The following CLASP2 variants were observed in gnomAD, a reference collection of about 807,000 sequenced individuals.
The protein encoded by CLASP2 is cytoplasmic linker associated protein 2.
CLASP2 carries 47 observed loss-of-function variants against 194.4 expected under a neutral mutation model. The observed-to-expected ratio is 0.24, with a 90% CI of 0.19 to 0.31. The LOEUF (loss-of-function observed/expected upper bound fraction) is 0.31. CLASP2 is among the 10% of genes least tolerant of loss of function. The pLI is 1.00. For missense variants in CLASP2, 1,445 were observed against 1,823.6 expected, an observed-to-expected ratio of 0.79 and a Z score of 3.78; for synonymous variants, 619 against 633.5, an observed-to-expected ratio of 0.98 and a Z score of 0.34.
intron 34 of CLASP2, 122 bp from the exon 35 acceptor site, chr3:33,517,296 A>G (rs933693462): frequency 1.3e-6 from 1 of 751,908 alleles, no homozygotes; most frequent in Non-Finnish European, 2.0e-6. Flanking sequence ...AAAAAGACAA[A>G]GAAAAAAGAC....
intron 10 of CLASP2, 39 bp from the exon 11 acceptor site, chr3:33,622,319 A>C: frequency 7.1e-7 from 1 of 1,407,586 alleles, no homozygotes; most frequent in Non-Finnish European, 9.3e-7. Context: ...AAAAAGGTGG[A>C]AGTGCAAAAA....
At chr3:33,592,080 C>A (rs2068922975) in intron 21 of CLASP2, 1 of 624,536 alleles carries the variant, frequency 1.6e-6, no homozygotes, top group African/African-American at 1.8e-5. Context: ...GTTTGTATGG[C>A]AAATGAAGTT....
At chr3:33,666,319 A>G (rs1310974375) in intron 6 of CLASP2, among the ~76,000 whole-genome samples, 1 of 152,158 alleles carries the variant, frequency 6.6e-6, no homozygotes, top group East Asian at 1.9e-4. Context: ...TCATCACCCC[A>G]AAAAATAACC....
At chr3:33,686,553 C>T (rs768556019) in intron 5 of CLASP2, among the ~76,000 whole-genome samples, 3 of 152,182 alleles carry the variant, frequency 2.0e-5, no homozygotes, top group Non-Finnish European at 4.4e-5. Context: ...AAAACCATCC[C>T]TACCCCGCCC....
At chr3:33,652,745 T>C (rs1014592144) in intron 7 of CLASP2, among the ~76,000 whole-genome samples, 30 of 152,194 alleles carry the variant, frequency 2.0e-4, no homozygotes, top group Admixed American at 1.6e-3. Flanking sequence ...TAATTTCATA[T>C]AGACACATAA....
In CLASP2 at chr3:33,662,751, C is replaced by CTTTA. The variant is rs1218932873; in HGVS notation, c.715+693_715+694insTAAA. 2.6e-5 allele frequency among the ~76,000 whole-genome samples: 4 copies of CTTTA among 152,212 alleles called. No homozygotes were observed. In the East Asian group the frequency reaches 7.7e-4, roughly 29 times the overall value. ...ACTACTTTACTAGGTGGAAAAGCAA[C>CTTTA]CTATATTATCTTTGGAAATAGAATA... is the stretch of plus-strand genomic sequence containing the variant. On this transcript the variant is annotated intron_variant, in intron 7 of 38. Transcript: ENST00000682230.
At chr3:33,663,284 T>C (rs925882780) in intron 7 of CLASP2, among the ~76,000 whole-genome samples, 161 bp downstream of exon 7, 73 of 150,924 alleles carry the variant, frequency 4.8e-4, no homozygotes, top group Non-Finnish European at 5.2e-4. Context: ...AATCAGAGGA[T>C]AGATAATTAT....
chr3:33,645,265 C>T (rs1323157137), intron 7 of CLASP2: 2 of 765,272 alleles, frequency 2.6e-6, no homozygotes, highest in East Asian at 4.8e-5. Flanking sequence ...TCCTTATACC[C>T]AGATTCTGCA....
At chr3:33,572,845 T>C (rs1560095600) in intron 25 of CLASP2, among the ~76,000 whole-genome samples, 2 of 151,840 alleles carry the variant, frequency 1.3e-5, no homozygotes, top group African/African-American at 4.8e-5. Flanking sequence ...AATAACATTT[T>C]AAATTTAATT....
chr3:33,532,578 C>T (rs1201241086), intron 34 of CLASP2, among the ~76,000 whole-genome samples: 1 of 152,090 alleles, frequency 6.6e-6, no homozygotes, highest in Non-Finnish European at 1.5e-5. Flanking sequence ...ATTATTGGGA[C>T]AGCTGGCAAA....
chr3:33,671,156 G>C (rs2087108147), intron 6 of CLASP2, among the ~76,000 whole-genome samples: 1 of 152,138 alleles, frequency 6.6e-6, no homozygotes, highest in Non-Finnish European at 1.5e-5. Context: ...CTAAGTGAGA[G>C]GAGGGTGGGA....
chr3:33,635,691 CA>C (rs2080007383), intron 8 of CLASP2, among the ~76,000 whole-genome samples: 1 of 152,094 alleles, frequency 6.6e-6, no homozygotes, highest in Non-Finnish European at 1.5e-5. Context: ...CAAAATTCAA[CA>C]AAATGCAGAG....
chr3:33,620,531 T>G (rs149834377), intron 11 of CLASP2, among the ~76,000 whole-genome samples: 66 of 152,306 alleles, frequency 4.3e-4, no homozygotes, highest in African/African-American at 1.5e-3. Flanking sequence ...TTCCGACCTA[T>G]GCACTGTTAT....
At chr3:33,696,190 TATTCTTA>T (rs2091879710) in intron 2 of CLASP2, among the ~76,000 whole-genome samples, 1 of 151,934 alleles carries the variant, frequency 6.6e-6, no homozygotes, top group Non-Finnish European at 1.5e-5. Context: ...TGCTATAATT[TATTCTTA>T]TTGTATTTTA....
intron 33 of CLASP2, among the ~76,000 whole-genome samples, chr3:33,537,911 G>A (rs2057667161): frequency 6.6e-6 from 1 of 152,166 alleles, no homozygotes; most frequent in Admixed American, 6.5e-5. Flanking sequence ...GGAGGCCGAG[G>A]TGGGCAGATC....
chr3:33,541,430 C>T (rs1257261156), intron 32 of CLASP2, among the ~76,000 whole-genome samples: 1 of 152,076 alleles, frequency 6.6e-6, no homozygotes, highest in African/African-American at 2.4e-5. Flanking sequence ...ATTTTATCAC[C>T]CAGGTATTAA....
rs9854899 is a variant in CLASP2 at position 33,612,110 on chromosome 3, C to T, written c.1318-39G>A. On this transcript the variant is annotated intron_variant, in intron 12 of 38. Coordinates refer to ENST00000682230, the MANE Select transcript of CLASP2 (RefSeq NM_001365631.1). ...TTTAGAAAAGGTTGAAAATACTACA[C>T]ACTTCATGTGGTCCTTTCTTCTATT... 7,849 of 1,280,038 alleles carry T rather than the reference C, an allele frequency of 6.1e-3. 347 individuals carry two copies. The African/African-American group carries it at 0.097, about 16-fold the overall frequency. 79.3% of individuals were successfully genotyped at this position (1,280,038 alleles called of 1,614,324 possible).
intron 7 of CLASP2, chr3:33,645,283 A>G: frequency 2.6e-6 from 2 of 765,230 alleles, no homozygotes; most frequent in Non-Finnish European, 4.8e-6. Context: ...GCAACTTACA[A>G]TCACAGATCC....
chr3:33,684,300 G>T, intron 6 of CLASP2, 59 bp downstream of exon 6: 1 of 883,718 alleles, frequency 1.1e-6, no homozygotes, highest in South Asian at 1.8e-5. Context: ...CAAATAAAAT[G>T]AAAACTTTTA....
Sources: allele counts gnomAD v4.1 joint callset (sites outside exome capture counted in the v4.1 genomes callset), GRCh38; gene constraint gnomAD v4.1.1; transcripts MANE v1.5; gene names NCBI Gene and HGNC (gene_info 2026-07-23, HGNC 2026-07-21).